The following UGT1A10 variants were observed in gnomAD, a reference collection of about 807,000 sequenced individuals.
UGT1A10 encodes UDP glucuronosyltransferase family 1 member A10.
Under a neutral mutation model 45.8 loss-of-function variants are expected in UGT1A10, and 49 were observed. That is an observed-to-expected ratio of 1.07 (90% CI 0.85 to 1.36). The LOEUF is 1.36. Ranked by LOEUF, UGT1A10 falls within the 40% of genes most tolerant of loss-of-function variation. The pLI, the probability that UGT1A10 is intolerant of heterozygous loss-of-function variation, is 0.00. For missense variants in UGT1A10, 745 were observed against 668.6 expected, an observed-to-expected ratio of 1.11 and a Z score of -1.26; for synonymous variants, 284 against 249.7, an observed-to-expected ratio of 1.14 and a Z score of -1.29.
chr2:233,656,330 C>CCAGT (rs2073852407), intron 1 of UGT1A10, among the ~76,000 whole-genome samples: 2 of 152,328 alleles, frequency 1.3e-5, no homozygotes, highest in South Asian at 4.1e-4. Flanking sequence ...TCTGTGATCA[C>CCAGT]CAGTCACTGG....
intron 1 of UGT1A10, among the ~76,000 whole-genome samples, chr2:233,639,847 A>G (rs1247182979): frequency 1.3e-5 from 2 of 152,204 alleles, no homozygotes; most frequent in African/African-American, 4.8e-5. Context: ...TCAGTATTCT[A>G]ATGTGTGTGT....
chr2:233,747,228 C>T (rs1559391943), intron 1 of UGT1A10: 2 of 1,605,178 alleles, frequency 1.2e-6, no homozygotes, highest in East Asian at 2.2e-5. Context: ...CCACAGGACC[C>T]CAGGTTCCCC....
intron 1 of UGT1A10, among the ~76,000 whole-genome samples, chr2:233,711,305 A>G (rs1408728006): frequency 6.6e-6 from 1 of 152,220 alleles, no homozygotes; most frequent in African/African-American, 2.4e-5. Context: ...AAATTAGATG[A>G]CATTGGTGTC....
intron 1 of UGT1A10, among the ~76,000 whole-genome samples, chr2:233,696,769 T>C (rs2125568935): frequency 6.6e-6 from 1 of 152,312 alleles, no homozygotes; most frequent in Middle Eastern, 3.4e-3. Context: ...ATTTATCATA[T>C]ATGGATTTTA....
chr2:233,737,936 A>G (rs912128099), intron 1 of UGT1A10, among the ~76,000 whole-genome samples: 7 of 152,174 alleles, frequency 4.6e-5, no homozygotes, highest in Non-Finnish European at 8.8e-5. Flanking sequence ...TAGTGAGTCC[A>G]TTGACTGTTT....
intron 1 of UGT1A10, chr2:233,760,528 G>A (rs2125985500): frequency 1.2e-6 from 2 of 1,614,248 alleles, no homozygotes; most frequent in East Asian, 4.5e-5. Context: ...GACGTACCCT[G>A]TGCCATTCCA....
intron 1 of UGT1A10, among the ~76,000 whole-genome samples, chr2:233,694,648 CTTT>C (rs745676395): frequency 2.6e-5 from 4 of 152,166 alleles, no homozygotes; most frequent in Admixed American, 6.5e-5. Context: ...TTTCCAGTTC[CTTT>C]TTTATCAGAG....
rs948752989 is a variant in UGT1A10 at position 233,724,891 on chromosome 2, C to G, written c.856-42143C>G. Reference sequence around the variant, plus strand: ...GTAGTGAGCGGAGATCACGCCACTGCACTCCAGCCTGGGCACCATTGAGCA... The same window carrying G: ...GTAGTGAGCGGAGATCACGCCACTGGACTCCAGCCTGGGCACCATTGAGCA... On this transcript the variant is annotated intron_variant, in intron 1 of 4. Transcript: ENST00000344644. Among the ~76,000 whole-genome samples the G allele has an allele frequency of 2.9e-4, 40 of 136,070 alleles. 2 individuals carry two copies. Among genetic ancestry groups the G allele is most frequent in the African/African-American group, 1.2e-3 (40 of 33,596 alleles). The allele number at this position is 136,070 out of a possible 152,430, so 89.3% of individuals were successfully genotyped here. A position where few individuals can be genotyped will look rare whatever the true frequency, so the allele number is the denominator to read the frequency against.
chr2:233,665,264 C>G (rs143131089), intron 1 of UGT1A10, among the ~76,000 whole-genome samples: 4 of 152,288 alleles, frequency 2.6e-5, no homozygotes, highest in African/African-American at 9.6e-5. Flanking sequence ...GTTTTTTCAA[C>G]CAATTAATAT....
intron 1 of UGT1A10, among the ~76,000 whole-genome samples, chr2:233,647,680 C>G (rs12327959): frequency 0.23 from 35,377 of 152,030 alleles, 4,686 homozygotes; most frequent in East Asian, 0.51. Context: ...TTGGCATGAA[C>G]TTGTTCATGT....
At chr2:233,689,173 GA>G (rs1242031028) in intron 1 of UGT1A10, among the ~76,000 whole-genome samples, 1 of 152,150 alleles carries the variant, frequency 6.6e-6, no homozygotes, top group African/African-American at 2.4e-5. Context: ...CTTCTACTAG[GA>G]CAGGTGCCCC....
At chr2:233,641,733 C>G (rs1196485928) in intron 1 of UGT1A10, among the ~76,000 whole-genome samples, 2 of 152,086 alleles carry the variant, frequency 1.3e-5, no homozygotes, top group Non-Finnish European at 2.9e-5. Flanking sequence ...CTTGGAAAGT[C>G]TTTATTTCTC....
In UGT1A10 at chr2:233,768,427, T is replaced by A; in HGVS notation, c.1283T>A (p.Ile428Asn). ...TTAGAAAATGCTCTAAAAGCAGTCA[T>A]CAATGACAAAAGGTAAGAAAGAAGA... is the stretch of plus-strand genomic sequence containing the variant. ...EDLENALKAV[I>N]NDKSYKENIM... Residue 428 changes from isoleucine (I) to asparagine (N), a missense_variant, in exon 4 of 5, where the codon ATC becomes AAC. Transcript: ENST00000344644. 1 of 1,614,006 alleles carries A rather than the reference T, an allele frequency of 6.2e-7. No individual in the cohort carries two copies. The highest frequency in any genetic ancestry group is 8.5e-7 in the Non-Finnish European group (1 of 1,179,966).
chr2:233,648,743 G>A, intron 1 of UGT1A10: 4 of 578,028 alleles, frequency 6.9e-6, no homozygotes, highest in Middle Eastern at 3.2e-4. Flanking sequence ...GAATTACAGG[G>A]GTGAGCCACC....
At chr2:233,706,387 C>A (rs1481848778) in intron 1 of UGT1A10, among the ~76,000 whole-genome samples, 1 of 152,196 alleles carries the variant, frequency 6.6e-6, no homozygotes, top group Non-Finnish European at 1.5e-5. Flanking sequence ...AAGCAGAGGC[C>A]AAGTACATTT....
At position 233,670,983 on chromosome 2, in the gene UGT1A10, T is replaced by G. The variant is rs1375000973; in HGVS notation, c.855+33606T>G. 2.0e-5 allele frequency among the ~76,000 whole-genome samples: 3 copies of G among 152,192 alleles called. No individual in the cohort carries two copies. In the East Asian group the frequency reaches 5.8e-4, roughly 29 times the overall value. ...TAAGGCTTGGAGGCTAGCAGGCTTATGGATGGGGGCAGTCCTATTTGTAAA... is the reference window on the plus strand; with the variant it reads ...TAAGGCTTGGAGGCTAGCAGGCTTAGGGATGGGGGCAGTCCTATTTGTAAA... On this transcript the variant is annotated intron_variant, in intron 1 of 4. Coordinates refer to ENST00000344644, the MANE Select transcript of UGT1A10 (RefSeq NM_019075.4).
chr2:233,693,817 G>C (rs1367141196), intron 1 of UGT1A10: 1 of 1,614,142 alleles, frequency 6.2e-7, no homozygotes, highest in Admixed American at 1.7e-5. Flanking sequence ...TGCCCAACAT[G>C]GTCTTCATTG....
chr2:233,721,002 A>G (rs1257155820), intron 1 of UGT1A10, among the ~76,000 whole-genome samples: 2 of 152,002 alleles, frequency 1.3e-5, no homozygotes, highest in African/African-American at 2.4e-5. Context: ...AGAGCCACCA[A>G]GCCCAGTGAG....
At chr2:233,663,405 T>C (rs1056177938) in intron 1 of UGT1A10, among the ~76,000 whole-genome samples, 1 of 152,130 alleles carries the variant, frequency 6.6e-6, no homozygotes, top group Non-Finnish European at 1.5e-5. Context: ...TCTTAGGCAG[T>C]TGAAGCTGTC....
Sources: gnomAD v4.1 joint callset for allele counts (sites outside exome capture counted in the v4.1 genomes callset) on GRCh38, gnomAD v4.1.1 for gene constraint, MANE v1.5 for transcripts, NCBI Gene and HGNC (gene_info 2026-07-23, HGNC 2026-07-21) for gene names.